The following KLF12 variants were observed in gnomAD, a reference collection of about 807,000 sequenced individuals.
KLF12 encodes Krueppel-like factor 12.
Under a neutral mutation model 37.8 loss-of-function variants are expected in KLF12, and 9 were observed. The ratio of observed to expected loss-of-function variants is 0.24; its 90% CI spans 0.14 to 0.42. The LOEUF (loss-of-function observed/expected upper bound fraction) is 0.42, where lower values mean the gene tolerates loss of function less well. Among genes scored for constraint, KLF12 ranks in the 10% least tolerant of loss-of-function variants. The pLI is 1.00. For missense variants in KLF12, 411 were observed against 516.0 expected (o/e 0.80, Z 1.97); for synonymous variants, 208 against 202.1 (o/e 1.03, Z -0.25).
chr13:74,285,283 G>T, the KLF12 span, among the ~76,000 whole-genome samples: 1 of 151,910 alleles, frequency 6.6e-6, no homozygotes, highest in African/African-American at 2.4e-5. Flanking sequence ...TAATAGTAAT[G>T]GTGGTCTTTT....
intron 1 of KLF12, among the ~76,000 whole-genome samples, chr13:74,132,197 C>CA (rs1225731553): frequency 1.3e-5 from 2 of 152,094 alleles, no homozygotes; most frequent in Non-Finnish European, 2.9e-5. Context: ...GGTATACACC[C>CA]ACTCCTCAAA....
the KLF12 span, among the ~76,000 whole-genome samples, chr13:74,225,843 TAAG>T: frequency 1.3e-5 from 2 of 152,150 alleles, no homozygotes; most frequent in Non-Finnish European, 2.9e-5. Flanking sequence ...ATGTCCAGTC[TAAG>T]AAGAGGAAAG....
At chr13:73,905,446 A>G (rs1888235929) in intron 3 of KLF12, among the ~76,000 whole-genome samples, 1 of 151,978 alleles carries the variant, frequency 6.6e-6, no homozygotes, top group Non-Finnish European at 1.5e-5. Flanking sequence ...CAAATACACA[A>G]TTCAGAGTGA....
chr13:73,942,941 T>C (rs1890253750), intron 3 of KLF12, among the ~76,000 whole-genome samples: 1 of 152,200 alleles, frequency 6.6e-6, no homozygotes, highest in Admixed American at 6.5e-5. Context: ...GAAGAGACCC[T>C]CTAAATACTA....
At chr13:74,100,078 C>T (rs1281817196) in intron 1 of KLF12, among the ~76,000 whole-genome samples, 1 of 151,974 alleles carries the variant, frequency 6.6e-6, no homozygotes, top group Non-Finnish European at 1.5e-5. Flanking sequence ...GGCACGCTGG[C>T]AGCTGGCAGC....
intron 5 of KLF12, among the ~76,000 whole-genome samples, chr13:73,802,770 T>G (rs1337852224): frequency 6.6e-6 from 1 of 152,208 alleles, no homozygotes; most frequent in Non-Finnish European, 1.5e-5. Context: ...GGCCTCCAGC[T>G]GCATCCACGT....
intron 5 of KLF12, among the ~76,000 whole-genome samples, chr13:73,782,745 T>G (rs1881045241): frequency 6.6e-6 from 1 of 152,218 alleles, no homozygotes; most frequent in Admixed American, 6.5e-5. Context: ...TTAGTTTCTT[T>G]TTAGTTTTGA....
At chr13:73,720,383 T>G (rs1387186794) in intron 6 of KLF12, among the ~76,000 whole-genome samples, 1 of 152,150 alleles carries the variant, frequency 6.6e-6, no homozygotes, top group African/African-American at 2.4e-5. Context: ...AATGTGCAAG[T>G]AACTACTGCA....
intron 2 of KLF12, among the ~76,000 whole-genome samples, chr13:73,989,417 T>C (rs1197166016): frequency 6.6e-6 from 1 of 152,222 alleles, no homozygotes; most frequent in Non-Finnish European, 1.5e-5. Context: ...CAGATCAATT[T>C]CTCAGAAAGC....
chr13:74,164,263 C>T, the KLF12 span, among the ~76,000 whole-genome samples: 2 of 152,000 alleles, frequency 1.3e-5, no homozygotes, highest in African/African-American at 2.4e-5. Flanking sequence ...TTTTAAGAAG[C>T]TATGACTTTA....
intron 1 of KLF12, among the ~76,000 whole-genome samples, chr13:74,119,816 T>C (rs1877520105): frequency 6.6e-6 from 1 of 151,978 alleles, no homozygotes; most frequent in Admixed American, 6.6e-5. Context: ...TAGAAATTTC[T>C]GAAAAACTAA....
chr13:73,872,892 G>T (rs1184597107), intron 3 of KLF12, among the ~76,000 whole-genome samples: 3 of 152,202 alleles, frequency 2.0e-5, no homozygotes, highest in African/African-American at 7.2e-5. Flanking sequence ...CAAACCAGAA[G>T]TATCAGACAC....
At chr13:74,119,742 T>C (rs563519627) in intron 1 of KLF12, among the ~76,000 whole-genome samples, 7 of 152,010 alleles carry the variant, frequency 4.6e-5, no homozygotes, top group South Asian at 4.2e-4. Flanking sequence ...CTTGTCAACA[T>C]AGTCCAAAGG....
intron 1 of KLF12, among the ~76,000 whole-genome samples, chr13:74,103,479 C>T (rs928468532): frequency 4.6e-5 from 7 of 152,198 alleles, no homozygotes; most frequent in African/African-American, 1.7e-4. Flanking sequence ...CAGAGCGGGT[C>T]ACAGGAGCAG....
chr13:74,106,070 C>A (rs182267015), intron 1 of KLF12, among the ~76,000 whole-genome samples: 2 of 152,126 alleles, frequency 1.3e-5, no homozygotes, highest in African/African-American at 4.8e-5. Flanking sequence ...GAATTCAAGG[C>A]TATTTATAAA....
At chr13:74,071,447 G>C (rs1381648218) in intron 1 of KLF12, among the ~76,000 whole-genome samples, 3 of 152,176 alleles carry the variant, frequency 2.0e-5, no homozygotes, top group African/African-American at 7.2e-5. Context: ...AGCACTTTGG[G>C]AGGGTGAGGT....
At chr13:73,751,854 T>C (rs1878782697) in intron 6 of KLF12, among the ~76,000 whole-genome samples, 1 of 152,144 alleles carries the variant, frequency 6.6e-6, no homozygotes, top group Non-Finnish European at 1.5e-5. Context: ...GGCATCATTT[T>C]ACAATGGGCT....
intron 2 of KLF12, among the ~76,000 whole-genome samples, chr13:73,986,539 C>A (rs983784529): frequency 2.6e-5 from 4 of 152,126 alleles, no homozygotes; most frequent in African/African-American, 4.8e-5. Flanking sequence ...AGAGTAATGG[C>A]CCCCTAAAGA....
intron 2 of KLF12, among the ~76,000 whole-genome samples, chr13:73,949,822 T>C (rs1453159264): frequency 6.6e-6 from 1 of 152,220 alleles, no homozygotes; most frequent in African/African-American, 2.4e-5. Flanking sequence ...GACTTTGCCA[T>C]TCTAGCCCAG....
Sources: allele counts gnomAD v4.1 joint callset (sites outside exome capture counted in the v4.1 genomes callset), GRCh38; gene constraint gnomAD v4.1.1; transcripts MANE v1.5; gene names NCBI Gene and HGNC (gene_info 2026-07-23, HGNC 2026-07-21).